ASH1L: variants seen among roughly 807,000 people sequenced by gnomAD.
The protein encoded by ASH1L is ASH1 like histone lysine methyltransferase, also known as histone-lysine N-methyltransferase ASH1L.
In ASH1L, 23 loss-of-function variants were observed where a neutral mutation model predicts 269.0. The observed-to-expected ratio is 0.09, with a 90% CI of 0.06 to 0.12. ASH1L has a LOEUF of 0.12. ASH1L is among the 10% of genes least tolerant of loss of function. The pLI, the probability that ASH1L is intolerant of heterozygous loss-of-function variation, is 1.00. For synonymous variants in ASH1L, 1,187 were observed against 1,253.5 expected (o/e 0.95, Z 1.12); for missense variants, 2,912 against 3,567.8 (o/e 0.82, Z 4.68).
At chr1:155,522,851 C>G (rs1293681218) in intron 1 of ASH1L, among the ~76,000 whole-genome samples, 3 of 151,914 alleles carry the variant, frequency 2.0e-5, no homozygotes, top group Admixed American at 2.0e-4. Context: ...CATACTCACC[C>G]GGCTAATTTT....
Position 155,478,197 on chromosome 1 carries a change from T to C in ASH1L, c.4673A>G (p.His1558Arg), listed in dbSNP as rs779807772. ...TGGACTAGATTCTGAAGGCTCTCGG[T>C]GGACCCACTGTTCCTCTCTGTTTAT... ...SLINREEQWV[H>R]REPSESSPLA... Residue 1558 changes from histidine to arginine, a missense_variant, in exon 3 of 28, where the codon CAC becomes CGC. His to Arg is a conservative substitution (Grantham distance 29). Around this residue, in one of 13 missense-constraint regions of ASH1L, gnomAD observed 789 missense variants for 897.6 expected, o/e 0.88. Transcript: ENST00000392403. The surrounding 1 kb of genome is among the most constrained non-coding windows in gnomAD (Gnocchi z 4.6). 1 of 1,614,172 alleles carries C rather than the reference T, an allele frequency of 6.2e-7. No individual in the cohort carries two copies. Among genetic ancestry groups the C allele is most frequent in the South Asian group, 1.1e-5 (1 of 91,082 alleles).
intron 2 of ASH1L, among the ~76,000 whole-genome samples, chr1:155,497,582 G>A (rs1367687066): frequency 6.6e-6 from 1 of 152,044 alleles, no homozygotes; most frequent in Non-Finnish European, 1.5e-5. Context: ...CTATGTTATC[G>A]TTAAGGCTTC....
At chr1:155,380,139 T>C in intron 7 of ASH1L, 23 bp from the exon 8 acceptor site, 2 of 1,556,776 alleles carry the variant, frequency 1.3e-6, no homozygotes, top group Non-Finnish European at 1.8e-6. Flanking sequence ...ACACTATTAA[T>C]TTCAATACCT....
chr1:155,559,491 C>T (rs939171708), intron 1 of ASH1L, among the ~76,000 whole-genome samples: 27 of 148,856 alleles, frequency 1.8e-4, no homozygotes, highest in African/African-American at 5.9e-4. Context: ...ATTGAGATAG[C>T]GCCACTGCAC....
chr1:155,507,878 C>G (rs917523843), intron 2 of ASH1L, among the ~76,000 whole-genome samples: 6 of 152,162 alleles, frequency 3.9e-5, no homozygotes, highest in African/African-American at 1.2e-4. Flanking sequence ...AGAAGAAGAC[C>G]GTGTCTCTTA....
intron 15 of ASH1L, among the ~76,000 whole-genome samples, chr1:155,356,196 CAAAGTGGT>C (rs1654373358): frequency 6.6e-6 from 1 of 151,974 alleles, no homozygotes; most frequent in Non-Finnish European, 1.5e-5. Context: ...CTTGGCCTCC[CAAAGTGGT>C]AGGATTACAG....
intron 7 of ASH1L, among the ~76,000 whole-genome samples, chr1:155,392,712 C>T (rs1658031174): frequency 6.6e-6 from 1 of 152,148 alleles, no homozygotes; most frequent in African/African-American, 2.4e-5. Flanking sequence ...TGGTCTTGAA[C>T]TCCTGACCTC....
chr1:155,445,820 A>AT lies in ASH1L; in HGVS notation c.5087-6753dup, dbSNP rs143297685. On this transcript the variant is annotated intron_variant, in intron 4 of 27. Coordinates refer to ENST00000392403, the MANE Select transcript of ASH1L (RefSeq NM_018489.3). ...CTCAAAAAGACTTTGTATTTTTTTA[A>AT]TTTTTTGTGATTTAATTTTAATTTT... is the stretch of plus-strand genomic sequence containing the variant. 8.4e-3 allele frequency among the ~76,000 whole-genome samples: 1,279 copies of AT among 151,970 alleles called. 11 individuals carry two copies. Among genetic ancestry groups the AT allele is most frequent in the Non-Finnish European group, 0.013 (874 of 67,978 alleles).
chr1:155,446,455 C>T (rs947584259), intron 4 of ASH1L, among the ~76,000 whole-genome samples: 10 of 151,164 alleles, frequency 6.6e-5, no homozygotes, highest in Non-Finnish European at 1.0e-4. Context: ...TGCGGCACCA[C>T]GCCCGGCTAA....
intron 1 of ASH1L, among the ~76,000 whole-genome samples, chr1:155,526,730 C>T (rs1441810809): frequency 6.6e-6 from 1 of 152,162 alleles, no homozygotes; most frequent in Non-Finnish European, 1.5e-5. Flanking sequence ...TACCTTCCTA[C>T]CTGTGTCTGT....
At chr1:155,454,767 A>C (rs1267289260) in intron 4 of ASH1L, among the ~76,000 whole-genome samples, 4 of 151,910 alleles carry the variant, frequency 2.6e-5, no homozygotes, top group Admixed American at 2.6e-4. Context: ...AGACTCTGTC[A>C]AAAATAATAA....
At chr1:155,446,626 CTTTT>C (rs34042736) in intron 4 of ASH1L, among the ~76,000 whole-genome samples, 3 of 116,844 alleles carry the variant, frequency 2.6e-5, no homozygotes, top group Non-Finnish European at 5.4e-5. Flanking sequence ...TTTTTTTTTT[CTTTT>C]TTTTTTTTTG....
chr1:155,484,928 CAA>C (rs761331437), intron 2 of ASH1L, among the ~76,000 whole-genome samples: 3 of 82,808 alleles, frequency 3.6e-5, no homozygotes, highest in African/African-American at 5.5e-5. Context: ...TGCTCTGTCT[CAA>C]AAAAAAAAAA....
At chr1:155,520,986 T>C (rs917209654) in intron 2 of ASH1L, 114 bp downstream of exon 2, 4 of 1,175,422 alleles carry the variant, frequency 3.4e-6, no homozygotes, top group Non-Finnish European at 4.8e-6. Context: ...AAACAAACTA[T>C]CTGGAAATAA....
intron 2 of ASH1L, among the ~76,000 whole-genome samples, chr1:155,495,614 G>C (rs1467811006): frequency 1.3e-5 from 2 of 152,164 alleles, no homozygotes; most frequent in East Asian, 3.8e-4. Context: ...ACTGTGAAGG[G>C]CTAGGACATT....
chr1:155,378,766 C>T (rs1471934156), intron 8 of ASH1L, among the ~76,000 whole-genome samples: 2 of 152,096 alleles, frequency 1.3e-5, no homozygotes, highest in African/African-American at 2.4e-5. Context: ...AGAAGAAGCA[C>T]TAAATAGTTT....
At chr1:155,416,004 C>A (rs867672079) in intron 5 of ASH1L, 81 bp from the exon 6 acceptor site, 33 of 1,061,798 alleles carry the variant, frequency 3.1e-5, no homozygotes, top group Middle Eastern at 6.7e-4. Flanking sequence ...AAAAAAAAAA[C>A]CATAGCAATT....
intron 3 of ASH1L, among the ~76,000 whole-genome samples, chr1:155,466,356 AAAAACAAAACAAAAC>A (rs373247653): frequency 6.6e-6 from 1 of 152,032 alleles, no homozygotes; most frequent in African/African-American, 2.4e-5. Flanking sequence ...CCCGTCTCAA[AAAAACAAAACAAAAC>A]AAAACAAAAC....
At chr1:155,342,828 A>G (rs1435621751) in intron 24 of ASH1L, among the ~76,000 whole-genome samples, 3 of 152,220 alleles carry the variant, frequency 2.0e-5, no homozygotes, top group Admixed American at 2.0e-4. Flanking sequence ...AAAATTAACT[A>G]AATTTAATAA....
Sources: allele counts gnomAD v4.1 joint callset (sites outside exome capture counted in the v4.1 genomes callset), GRCh38; gene constraint gnomAD v4.1.1; regional missense constraint gnomAD v4.1.1; non-coding constraint Gnocchi (gnomAD v3.1); transcripts MANE v1.5; gene names NCBI Gene and HGNC (gene_info 2026-07-23, HGNC 2026-07-21).